Variants in NBEA observed in about 807,000 individuals in gnomAD.
NBEA encodes lysosomal-trafficking regulator 2.
In NBEA, 44 loss-of-function variants were observed where a neutral mutation model predicts 343.4. The observed-to-expected ratio is 0.13, with a 90% CI of 0.10 to 0.16. NBEA has a LOEUF of 0.16. Among genes scored for constraint, NBEA ranks in the 10% least tolerant of loss-of-function variants. The pLI is 1.00. For synonymous variants in NBEA, 1,175 were observed against 1,238.7 expected (o/e 0.95, Z 1.08); for missense variants, 2,555 against 3,631.3 (o/e 0.70, Z 7.62).
At chr13:35,091,783 A>G (rs978304374) in intron 10 of NBEA, among the ~76,000 whole-genome samples, 2 of 152,040 alleles carry the variant, frequency 1.3e-5, no homozygotes, top group Admixed American at 6.6e-5. Context: ...TTCTGATGAT[A>G]GCAATCAAAG....
intron 34 of NBEA, among the ~76,000 whole-genome samples, chr13:35,262,470 A>G (rs1375371533): frequency 6.6e-6 from 1 of 152,234 alleles, no homozygotes; most frequent in Non-Finnish European, 1.5e-5. Flanking sequence ...AAACACAGGA[A>G]TGCTACTGAA....
At chr13:35,176,931 G>A in intron 27 of NBEA, 65 bp from the exon 28 acceptor site, 1 of 1,080,354 alleles carries the variant, frequency 9.3e-7, no homozygotes, top group Non-Finnish European at 1.4e-6. Flanking sequence ...CCTGAATTAA[G>A]AAGTGATACT....
At position 35,156,673 on chromosome 13, in the gene NBEA, A is replaced by G. The variant is rs116402805; in HGVS notation, c.2652-405A>G. Among the ~76,000 whole-genome samples, 248 of 152,314 alleles carry G rather than the reference A, an allele frequency of 1.6e-3. 1 individual carries two copies. Among genetic ancestry groups the G allele is most frequent in the African/African-American group, 5.8e-3 (241 of 41,582 alleles). ...TGCCTGAGTCTATAATTTAACAAAT[A>G]TTGATTGAGTGCCTACTGTGTTCAG... On this transcript the variant is annotated intron_variant, in intron 20 of 58. Transcript: ENST00000379939.
At chr13:35,419,968 A>G (rs1024620998) in intron 38 of NBEA, among the ~76,000 whole-genome samples, 5 of 152,094 alleles carry the variant, frequency 3.3e-5, no homozygotes, top group African/African-American at 1.2e-4. Context: ...TTGTGTGTCT[A>G]TCTTGCATCT....
At chr13:35,298,211 GTATATATATATATATA>G (rs72309538) in intron 35 of NBEA, among the ~76,000 whole-genome samples, 23 of 103,028 alleles carry the variant, frequency 2.2e-4, no homozygotes, top group African/African-American at 6.5e-4. Context: ...GTGTGTGTGT[GTATATATATATATATA>G]TATATATATA....
intron 41 of NBEA, among the ~76,000 whole-genome samples, chr13:35,539,942 A>AAAAAAAAAT (rs1566289232): frequency 2.0e-5 from 3 of 147,700 alleles, no homozygotes; most frequent in African/African-American, 4.9e-5. Flanking sequence ...AAAAAAAAAA[A>AAAAAAAAAT]GTGCACTAGT....
chr13:34,985,194 T>G (rs997852058), intron 1 of NBEA, among the ~76,000 whole-genome samples: 1 of 151,024 alleles, frequency 6.6e-6, no homozygotes, highest in Admixed American at 6.6e-5. Flanking sequence ...ATAGCTCTTA[T>G]TATTTTGAGA....
rs568517412 is a variant in NBEA at position 35,060,494 on chromosome 13, G to A, written c.1239+1631G>A. On this transcript the variant is annotated intron_variant, in intron 8 of 58. Transcript: ENST00000379939. ...CCTTAGTATCCTAACACACAGTAGA[G>A]TACCTAAAGTCAGAACTTTTAAGAG... 2.0e-5 allele frequency among the ~76,000 whole-genome samples: 3 copies of A among 151,814 alleles called. No homozygotes were observed. The East Asian group carries it at 5.8e-4, about 29-fold the overall frequency.
chr13:35,441,988 A>G (rs758976991), intron 39 of NBEA, among the ~76,000 whole-genome samples: 1 of 152,114 alleles, frequency 6.6e-6, no homozygotes. Context: ...CTCACTAGCC[A>G]TCTACCCGTA....
intron 39 of NBEA, among the ~76,000 whole-genome samples, chr13:35,442,357 G>A (rs957178600): frequency 1.3e-5 from 2 of 152,080 alleles, no homozygotes; most frequent in South Asian, 2.1e-4. Flanking sequence ...TGTGCCCTGC[G>A]ATTTTTAGTA....
At chr13:35,557,730 A>T (rs1249099020) in intron 44 of NBEA, among the ~76,000 whole-genome samples, 1 of 152,158 alleles carries the variant, frequency 6.6e-6, no homozygotes, top group African/African-American at 2.4e-5. Context: ...AGTGAAATAC[A>T]CGTAAATAAG....
At chr13:35,340,582 C>T (rs2039532998) in intron 36 of NBEA, among the ~76,000 whole-genome samples, 1 of 151,800 alleles carries the variant, frequency 6.6e-6, no homozygotes, top group African/African-American at 2.4e-5. Flanking sequence ...GTGTTTAGTA[C>T]CACTTAACTG....
At position 35,351,765 on chromosome 13, in the gene NBEA, G is replaced by A. The variant is rs374186466; in HGVS notation, c.6013-392G>A. Among the ~76,000 whole-genome samples, 727 of 151,958 alleles carry A rather than the reference G, an allele frequency of 4.8e-3. 2 individuals are homozygous for A. The highest frequency in any genetic ancestry group is 9.1e-3 in the South Asian group (44 of 4,816). ...ATGAAATGGAAAATATAAATTAAATGACAGATTTTTGATTCATATGTAATT... is the reference window on the plus strand; with the variant it reads ...ATGAAATGGAAAATATAAATTAAATAACAGATTTTTGATTCATATGTAATT... On this transcript the variant is annotated intron_variant, in intron 37 of 58. Transcript: ENST00000379939.
intron 38 of NBEA, among the ~76,000 whole-genome samples, chr13:35,429,246 C>A (rs924695372): frequency 2.0e-5 from 3 of 152,180 alleles, no homozygotes; most frequent in Admixed American, 6.5e-5. Flanking sequence ...TTCTCTGATA[C>A]CACCCAGCAA....
chr13:35,383,183 C>G lies in NBEA; in HGVS notation c.6179+30860C>G, dbSNP rs73169746. 4.7e-3 allele frequency among the ~76,000 whole-genome samples: 718 copies of G among 152,218 alleles called. 6 individuals carry two copies. The highest frequency in any genetic ancestry group is 6.9e-3 in the Non-Finnish European group (466 of 68,000). Reference sequence around the variant, plus strand: ...GAGGTAAATCATCAAAACTGCCCATCTAGAAAGACTCCGAATTTGGTAAGT... The same window carrying G: ...GAGGTAAATCATCAAAACTGCCCATGTAGAAAGACTCCGAATTTGGTAAGT... On this transcript the variant is annotated intron_variant, in intron 38 of 58. Coordinates refer to ENST00000379939, the MANE Select transcript of NBEA (RefSeq NM_001385012.1).
intron 36 of NBEA, among the ~76,000 whole-genome samples, chr13:35,310,413 A>G (rs2037281017): frequency 6.6e-6 from 1 of 152,204 alleles, no homozygotes; most frequent in Non-Finnish European, 1.5e-5. Flanking sequence ...CAATAGTTGA[A>G]GCTGTTGGGT....
At chr13:35,297,727 A>G (rs978647719) in intron 35 of NBEA, among the ~76,000 whole-genome samples, 1 of 152,016 alleles carries the variant, frequency 6.6e-6, no homozygotes, top group African/African-American at 2.4e-5. Flanking sequence ...CACTCCTAGT[A>G]TAAATATCCA....
chr13:35,047,246 G>A (rs2062892598), intron 4 of NBEA, among the ~76,000 whole-genome samples: 1 of 145,816 alleles, frequency 6.9e-6, no homozygotes. Context: ...TTAACAGCAA[G>A]CACTTAGAAA....
intron 34 of NBEA, among the ~76,000 whole-genome samples, chr13:35,271,282 A>G (rs2034126123): frequency 6.6e-6 from 1 of 152,216 alleles, no homozygotes; most frequent in South Asian, 2.1e-4. Context: ...TTAGAAGGAA[A>G]ACTAACAAAC....
Sources: allele counts gnomAD v4.1 joint callset (sites outside exome capture counted in the v4.1 genomes callset), GRCh38; gene constraint gnomAD v4.1.1; transcripts MANE v1.5; gene names NCBI Gene and HGNC (gene_info 2026-07-23, HGNC 2026-07-21).